The following EYS variants were observed in gnomAD, a reference collection of about 807,000 sequenced individuals.
EYS encodes the protein EGF-like photoreceptor maintenance factor, also known as protein eyes shut homolog.
EYS carries 250 observed loss-of-function variants against 282.1 expected under a neutral mutation model. That is an observed-to-expected ratio of 0.89 (90% CI 0.80 to 0.98). The LOEUF is 0.98. EYS is among the 50% of genes least tolerant of loss of function. The pLI is 0.00. For synonymous variants in EYS, 1,355 were observed against 1,282.9 expected, an observed-to-expected ratio of 1.06 and a Z score of -1.20; for missense variants, 4,016 against 3,709.0, an observed-to-expected ratio of 1.08 and a Z score of -2.15.
intron 5 of EYS, among the ~76,000 whole-genome samples, chr6:65,459,682 A>G (rs968868164): frequency 1.3e-5 from 2 of 151,602 alleles, no homozygotes; most frequent in African/African-American, 2.4e-5. Context: ...GATAAAAAAG[A>G]GTTTCATAGA....
intron 22 of EYS, among the ~76,000 whole-genome samples, chr6:64,647,460 G>A (rs1768395143): frequency 6.6e-6 from 1 of 152,094 alleles, no homozygotes. Context: ...TGTTCATTAT[G>A]TTCATGAAGA....
intron 18 of EYS, among the ~76,000 whole-genome samples, chr6:64,899,915 T>C (rs1211653626): frequency 6.6e-6 from 1 of 151,938 alleles, no homozygotes; most frequent in Non-Finnish European, 1.5e-5. Flanking sequence ...AAAGAGCCCA[T>C]ATACCCAAGA....
chr6:65,287,761 GTT>G (rs912495706), intron 12 of EYS, among the ~76,000 whole-genome samples: 1 of 150,946 alleles, frequency 6.6e-6, no homozygotes, highest in Admixed American at 6.6e-5. Flanking sequence ...CTTAATTTTT[GTT>G]TTTTTGCCTT....
At chr6:65,167,088 G>A (rs1764991134) in intron 12 of EYS, among the ~76,000 whole-genome samples, 1 of 151,152 alleles carries the variant, frequency 6.6e-6, no homozygotes, top group Admixed American at 6.6e-5. Context: ...TATACCATTG[G>A]TGGGAAGGTA....
At chr6:64,200,673 G>A (rs571834972) in intron 31 of EYS, among the ~76,000 whole-genome samples, 1 of 152,160 alleles carries the variant, frequency 6.6e-6, no homozygotes, top group Non-Finnish European at 1.5e-5. Flanking sequence ...AGAAAAATAA[G>A]TGGATCCTGA....
At chr6:63,842,558 G>T (rs1771989337) in intron 36 of EYS, among the ~76,000 whole-genome samples, 1 of 152,068 alleles carries the variant, frequency 6.6e-6, no homozygotes, top group Non-Finnish European at 1.5e-5. Context: ...TCTGTATGTT[G>T]CCTGTTCACT....
At chr6:65,007,113 G>A (rs929013610) in intron 13 of EYS, among the ~76,000 whole-genome samples, 2 of 152,098 alleles carry the variant, frequency 1.3e-5, no homozygotes, top group East Asian at 1.9e-4. Flanking sequence ...AAGAGAGGCG[G>A]GTAAAACAGA....
intron 2 of EYS, among the ~76,000 whole-genome samples, chr6:65,572,921 C>A (rs1188570764): frequency 2.6e-5 from 4 of 152,098 alleles, no homozygotes; most frequent in Non-Finnish European, 5.9e-5. Context: ...TTTCTCCAGG[C>A]AGCTTATACC....
chr6:65,366,801 ATC>A (rs2150338210), intron 8 of EYS, among the ~76,000 whole-genome samples: 1 of 151,618 alleles, frequency 6.6e-6, no homozygotes, highest in African/African-American at 2.4e-5. Flanking sequence ...TGAGGGGGAA[ATC>A]TGTTTCTTTA....
chr6:64,125,765 G>C (rs1421974366), intron 31 of EYS, among the ~76,000 whole-genome samples: 1 of 127,084 alleles, frequency 7.9e-6, no homozygotes, highest in African/African-American at 3.1e-5. Context: ...CAGCCTGGGC[G>C]ACAGAGCAAG....
At chr6:65,589,980 C>T (rs1357942612) in intron 2 of EYS, among the ~76,000 whole-genome samples, 3 of 151,836 alleles carry the variant, frequency 2.0e-5, no homozygotes, top group Non-Finnish European at 4.4e-5. Context: ...AAATCATATG[C>T]TGAAAGCAAA....
In EYS at chr6:64,939,205, C is replaced by T. The variant is rs181266180; in HGVS notation, c.2381+6588G>A. Among the ~76,000 whole-genome samples, 404 of 151,710 alleles carry T rather than the reference C, an allele frequency of 2.7e-3. 5 individuals carry two copies. The highest frequency in any genetic ancestry group is 9.4e-3 in the African/African-American group (389 of 41,430). ...TATTAATACATTATCTTTATAATCA[C>T]AAAGGAGAAGCACATTCAGAAAATC... On this transcript the variant is annotated intron_variant, in intron 15 of 42. Coordinates refer to ENST00000503581, the MANE Select transcript of EYS (RefSeq NM_001142800.2).
At chr6:65,514,756 G>A (rs1767053202) in intron 2 of EYS, among the ~76,000 whole-genome samples, 1 of 152,128 alleles carries the variant, frequency 6.6e-6, no homozygotes, top group African/African-American at 2.4e-5. Context: ...GCTGAAACTG[G>A]ATCCCTTCCT....
At chr6:65,471,235 A>C (rs1436375044) in intron 5 of EYS, among the ~76,000 whole-genome samples, 1 of 147,662 alleles carries the variant, frequency 6.8e-6, no homozygotes, top group Non-Finnish European at 1.5e-5. Context: ...TTTACAAAAA[A>C]AAAAAAAAAA....
intron 19 of EYS, among the ~76,000 whole-genome samples, chr6:64,864,696 G>C (rs556941198): frequency 2.4e-3 from 357 of 151,364 alleles, no homozygotes; most frequent in Non-Finnish European, 4.3e-3. Flanking sequence ...GAAGTGCTAT[G>C]ACTAATGGAC....
chr6:64,509,210 A>G (rs978077179), intron 26 of EYS, among the ~76,000 whole-genome samples: 3 of 152,156 alleles, frequency 2.0e-5, no homozygotes. Context: ...TCATCTTTAA[A>G]TTTTATATTT....
intron 5 of EYS, among the ~76,000 whole-genome samples, chr6:65,453,467 G>T (rs546791422): frequency 2.8e-4 from 42 of 152,100 alleles, no homozygotes; most frequent in African/African-American, 9.6e-4. Flanking sequence ...GCTGCATAAT[G>T]ACCCAATCAG....
intron 26 of EYS, among the ~76,000 whole-genome samples, chr6:64,570,317 G>A (rs1023416539): frequency 3.9e-5 from 6 of 152,072 alleles, no homozygotes; most frequent in East Asian, 1.9e-4. Context: ...AGGAACAACC[G>A]TTACCAGCCA....
chr6:65,644,141 A>C (rs2149814950), intron 1 of EYS, among the ~76,000 whole-genome samples: 1 of 152,312 alleles, frequency 6.6e-6, no homozygotes, highest in Admixed American at 6.5e-5. Flanking sequence ...CATCAGAGTA[A>C]AGTGAAATCC....
Sources: allele counts gnomAD v4.1 joint callset (sites outside exome capture counted in the v4.1 genomes callset), GRCh38; gene constraint gnomAD v4.1.1; transcripts MANE v1.5; gene names NCBI Gene and HGNC (gene_info 2026-07-23, HGNC 2026-07-21).